The following MTAP variants were observed in gnomAD, a reference collection of about 807,000 sequenced individuals.
MTAP encodes S-methyl-5'-thioadenosine phosphorylase.
A neutral mutation model predicts 33.6 loss-of-function variants in MTAP; 33 were observed. The observed-to-expected ratio is 0.98, with a 90% CI of 0.74 to 1.31. The LOEUF (loss-of-function observed/expected upper bound fraction) is 1.31. Ranked by LOEUF, MTAP falls within the 40% of genes most tolerant of loss-of-function variation. The pLI is 0.00. For missense variants in MTAP, 367 were observed against 360.0 expected, an observed-to-expected ratio of 1.02 and a Z score of -0.16; for synonymous variants, 148 against 125.7, an observed-to-expected ratio of 1.18 and a Z score of -1.19.
intron 5 of MTAP, among the ~76,000 whole-genome samples, chr9:21,843,448 A>G (rs1277121424): frequency 1.3e-5 from 2 of 152,214 alleles, no homozygotes; most frequent in Non-Finnish European, 2.9e-5. Context: ...ACTGCAGAAT[A>G]TACATTCTTT....
chr9:21,939,354 C>G (rs193126592), downstream of MTAP, among the ~76,000 whole-genome samples: 240 of 152,248 alleles, frequency 1.6e-3, no homozygotes, highest in African/African-American at 5.3e-3. Flanking sequence ...TGAAACATTG[C>G]TGTTTCTTTA....
At chr9:21,848,643 A>T (rs1225653080) in intron 5 of MTAP, among the ~76,000 whole-genome samples, 1 of 152,142 alleles carries the variant, frequency 6.6e-6, no homozygotes, top group Non-Finnish European at 1.5e-5. Flanking sequence ...GTCACTTTAG[A>T]CCTATTTATC....
downstream of MTAP, chr9:21,931,423 T>G (rs1818956825): frequency 7.2e-6 from 3 of 418,038 alleles, no homozygotes; most frequent in Admixed American, 1.2e-4. Flanking sequence ...GTTGTTAAAC[T>G]CTCTCTCTAA....
At chr9:21,852,323 A>G (rs1056622513) in intron 5 of MTAP, among the ~76,000 whole-genome samples, 1 of 152,024 alleles carries the variant, frequency 6.6e-6, no homozygotes, top group African/African-American at 2.4e-5. Flanking sequence ...CCTGGCCAAG[A>G]TGGTGAAAGG....
At chr9:21,879,674 C>G (rs1817969010) in intron 1 of MTAP, among the ~76,000 whole-genome samples, 1 of 151,884 alleles carries the variant, frequency 6.6e-6, no homozygotes, top group East Asian at 1.9e-4. Context: ...TTGTAATGGT[C>G]TTTCTTTTCT....
At chr9:21,859,088 C>A in intron 6 of MTAP, 1 of 487,714 alleles carries the variant, frequency 2.1e-6, no homozygotes, top group Non-Finnish European at 3.5e-6. Flanking sequence ...TTTGTAAGAT[C>A]ACTAATCCTA....
Position 21,838,077 on chromosome 9 carries a change from G to A in MTAP, c.450+67G>A. 2.9e-6 allele frequency: 4 copies of A among 1,369,570 alleles called. No homozygotes were observed. In the South Asian group the frequency reaches 3.5e-5, roughly 12 times the overall value. The allele number at this position is 1,369,570 out of a possible 1,614,324, so 84.8% of individuals were successfully genotyped here. ...GGGCTTGGGGTGGCATCTGGCATTT[G>A]GTTAATTGGCAGAGCGAGTGGCCCC... On this transcript the variant is annotated intron_variant, in intron 5 of 7. Coordinates refer to ENST00000644715, the MANE Select transcript of MTAP (RefSeq NM_002451.4).
chr9:21,822,367 C>T (rs1034056050), intron 4 of MTAP, among the ~76,000 whole-genome samples: 80 of 152,194 alleles, frequency 5.3e-4, no homozygotes, highest in African/African-American at 1.8e-3. Context: ...ATCTTTATTT[C>T]TGCCTTCGTT....
intron 4 of MTAP, 39 bp from the exon 5 acceptor site, chr9:21,837,869 A>T (rs1825148134): frequency 6.4e-7 from 1 of 1,572,668 alleles, no homozygotes. Flanking sequence ...ATGGCCTTAA[A>T]ATAAAACAAA....
downstream of MTAP, chr9:21,940,928 A>G: frequency 2.3e-6 from 2 of 865,970 alleles, no homozygotes; most frequent in East Asian, 2.4e-4. Flanking sequence ...CCAGAAGTGG[A>G]AAGGGGTGCT....
rs1212250681 is a variant in MTAP, at chr9:21,864,849, T to G, written c.*2835T>G. ...TCCACAGGATGCTCCTGGAGCCTCT[T>G]CTCTGGCTGCTACCTCAGGGCATGG... is the stretch of plus-strand genomic sequence containing the variant. On this transcript the variant is annotated 3_prime_UTR_variant, in exon 8 of 8. Transcript: ENST00000644715. 4 of 985,362 alleles carry G rather than the reference T, an allele frequency of 4.1e-6. No homozygotes were observed. The African/African-American group carries it at 7.0e-5, about 17-fold the overall frequency. The allele number at this position is 985,362 out of a possible 1,614,324, so 61.0% of individuals were successfully genotyped here.
intron 1 of MTAP, among the ~76,000 whole-genome samples, chr9:21,885,580 C>T (rs374387904): frequency 1.3e-5 from 2 of 152,112 alleles, no homozygotes; most frequent in African/African-American, 4.8e-5. Flanking sequence ...CCACCTCCCA[C>T]CCTGCCCCAG....
intron 1 of MTAP, among the ~76,000 whole-genome samples, chr9:21,875,527 A>C (rs1028244304): frequency 1.3e-5 from 2 of 151,504 alleles, no homozygotes; most frequent in African/African-American, 4.9e-5. Context: ...AAAATTGGTT[A>C]TTTTCTCTGC....
At chr9:21,803,166 A>G (rs59828051) in intron 1 of MTAP, 12,332 of 406,620 alleles carry the variant, frequency 0.03, 1,324 homozygotes, top group African/African-American at 0.23. Context: ...TCCAAGAAAG[A>G]CACCCGGCTG....
intron 4 of MTAP, among the ~76,000 whole-genome samples, chr9:21,818,825 A>C (rs188566314): frequency 6.6e-6 from 1 of 152,372 alleles, no homozygotes; most frequent in Non-Finnish European, 1.5e-5. Flanking sequence ...GAAATACATA[A>C]TACGTTGTCA....
chr9:21,862,995 G>A lies in MTAP; in HGVS notation c.*981G>A. ...CTGGTAATGAAGCAGAATTTAAGTT[G>A]GTAATATTAAGGTGAATGTCATTTA... is the stretch of plus-strand genomic sequence containing the variant. On this transcript the variant is annotated 3_prime_UTR_variant, in exon 8 of 8. Coordinates refer to ENST00000644715, the MANE Select transcript of MTAP (RefSeq NM_002451.4). The A allele has an allele frequency of 1.0e-6, 1 of 984,398 alleles. No individual in the cohort carries two copies. The highest frequency in any genetic ancestry group is 1.2e-6 in the Non-Finnish European group (1 of 829,054). The allele number at this position is 984,398 out of a possible 1,614,324, so 61.0% of individuals were successfully genotyped here.
Position 21,815,451 on chromosome 9 carries a change from A to T in MTAP, c.52A>T (p.Thr18Ser), listed in dbSNP as rs1330233178. ...CTCTTAGATTGGAATAATTGGTGGAACAGGCCTGGATGATCCAGAAATTTT... is the reference window on the plus strand; with the variant it reads ...CTCTTAGATTGGAATAATTGGTGGATCAGGCCTGGATGATCCAGAAATTTT... Reference protein sequence around the residue: ...TAVKIGIIGGTGLDDPEILEG... With the variant: ...TAVKIGIIGGSGLDDPEILEG... Residue 18 changes from threonine to serine, a missense_variant, in exon 2 of 8, where the codon ACA (threonine) becomes TCA (serine). Physicochemically the swap from Thr to Ser is moderately conservative, Grantham distance 58. Coordinates refer to ENST00000644715, the MANE Select transcript of MTAP (RefSeq NM_002451.4). The T allele has an allele frequency of 1.2e-6, 2 of 1,601,624 alleles. No individual in the cohort carries two copies. The highest frequency in any genetic ancestry group is 4.5e-5 in the East Asian group (2 of 44,764).
intron 5 of MTAP, among the ~76,000 whole-genome samples, chr9:21,849,282 TG>T (rs1262344604): frequency 1.3e-5 from 2 of 152,090 alleles, no homozygotes; most frequent in Non-Finnish European, 2.9e-5. Flanking sequence ...AACTGTGCAC[TG>T]GGGAAAGGGA....
At chr9:21,901,707 T>G (rs1818395845) in intron 1 of MTAP, among the ~76,000 whole-genome samples, 1 of 152,210 alleles carries the variant, frequency 6.6e-6, no homozygotes, top group East Asian at 1.9e-4. Flanking sequence ...GTCTCAGGGG[T>G]TTGCCACAAG....
Sources: allele counts gnomAD v4.1 joint callset (sites outside exome capture counted in the v4.1 genomes callset), GRCh38; gene constraint gnomAD v4.1.1; transcripts MANE v1.5; gene names NCBI Gene and HGNC (gene_info 2026-07-23, HGNC 2026-07-21).